The following EFCAB11 variants were observed in gnomAD, a reference collection of about 807,000 sequenced individuals.
EFCAB11 encodes the protein EF-hand calcium binding domain 11.
EFCAB11 carries 14 observed loss-of-function variants against 23.0 expected under a neutral mutation model. The observed-to-expected ratio is 0.61, with a 90% CI of 0.40 to 0.95. The LOEUF is 0.95. Ranked by LOEUF, EFCAB11 falls within the 40% of genes least tolerant of loss-of-function variation. The probability of loss-of-function intolerance (pLI) is 0.00; values close to 1 mark genes in which losing one functional copy is unlikely to be tolerated. For synonymous variants in EFCAB11, 65 were observed against 66.6 expected, an observed-to-expected ratio of 0.98 and a Z score of 0.11; for missense variants, 198 against 195.8, an observed-to-expected ratio of 1.01 and a Z score of -0.07.
chr14:89,902,824 T>C (rs1048733466), intron 5 of EFCAB11, among the ~76,000 whole-genome samples: 4 of 152,220 alleles, frequency 2.6e-5, no homozygotes, highest in Admixed American at 1.3e-4. Flanking sequence ...GGCACTAATT[T>C]AATTATATTC....
intron 5 of EFCAB11, among the ~76,000 whole-genome samples, chr14:89,930,832 A>T (rs1287508276): frequency 6.6e-6 from 1 of 152,144 alleles, no homozygotes; most frequent in Non-Finnish European, 1.5e-5. Flanking sequence ...GCTGAACGCT[A>T]ATGAATACAC....
intron 5 of EFCAB11, among the ~76,000 whole-genome samples, chr14:89,857,585 A>C (rs1298065446): frequency 6.6e-6 from 1 of 152,174 alleles, no homozygotes; most frequent in Non-Finnish European, 1.5e-5. Context: ...TTTTTGGAGA[A>C]GCTCCTGAGT....
intron 5 of EFCAB11, among the ~76,000 whole-genome samples, chr14:89,871,927 A>T (rs1367580002): frequency 1.3e-5 from 2 of 152,208 alleles, no homozygotes; most frequent in Non-Finnish European, 2.9e-5. Flanking sequence ...GAGACTGCTG[A>T]CAGTGGGTTC....
intron 3 of EFCAB11, among the ~76,000 whole-genome samples, chr14:89,934,889 C>T (rs1286024195): frequency 1.3e-5 from 2 of 152,062 alleles, no homozygotes; most frequent in Non-Finnish European, 2.9e-5. Flanking sequence ...AATGGCATGT[C>T]CTAGGAGACC....
chr14:89,829,270 G>A (rs1886808548), intron 5 of EFCAB11, among the ~76,000 whole-genome samples: 1 of 152,212 alleles, frequency 6.6e-6, no homozygotes, highest in Non-Finnish European at 1.5e-5. Context: ...TTTCTCTCAT[G>A]AGGAGGTCCT....
At position 89,898,009 on chromosome 14, in the gene EFCAB11, C is replaced by G. The variant is rs144135011; in HGVS notation, c.410+33532G>C. On this transcript the variant is annotated intron_variant, in intron 5 of 5. Transcript: ENST00000316738. The stretch of plus-strand genomic sequence containing the variant: ...CAACAAAAAGCTAAAAGCACTGAAA[C>G]CTATGTTTCTGTGAAACCTAAGGAA... Among the ~76,000 whole-genome samples, 279 of 152,256 alleles carry G rather than the reference C, an allele frequency of 1.8e-3. 1 individual carries two copies. Among genetic ancestry groups the G allele is most frequent in the Middle Eastern group, 0.01 (3 of 294 alleles).
chr14:89,856,890 C>G (rs1339505586), intron 5 of EFCAB11, among the ~76,000 whole-genome samples: 1 of 152,148 alleles, frequency 6.6e-6, no homozygotes, highest in Admixed American at 6.5e-5. Context: ...CCCTTTTATC[C>G]AATCAACAGA....
intron 5 of EFCAB11, chr14:89,924,238 C>T (rs1398726152): frequency 1.0e-6 from 1 of 991,982 alleles, no homozygotes; most frequent in Admixed American, 6.0e-5. Context: ...TTTGACCTTC[C>T]CTTGTGTAAT....
At chr14:89,877,575 T>C (rs1379497685) in intron 5 of EFCAB11, among the ~76,000 whole-genome samples, 1 of 152,200 alleles carries the variant, frequency 6.6e-6, no homozygotes, top group Non-Finnish European at 1.5e-5. Flanking sequence ...CATCTTGCAA[T>C]TGTTGGTATC....
chr14:89,950,627 G>C (rs1891135795), intron 2 of EFCAB11, among the ~76,000 whole-genome samples: 1 of 152,058 alleles, frequency 6.6e-6, no homozygotes, highest in South Asian at 2.1e-4. Flanking sequence ...TATCATTTTA[G>C]ACTAATCAGC....
At chr14:89,932,402 G>T in intron 4 of EFCAB11, 124 bp downstream of exon 4, 2 of 717,874 alleles carry the variant, frequency 2.8e-6, no homozygotes, top group Non-Finnish European at 4.5e-6. Flanking sequence ...TAAGGTAACA[G>T]CTAATGAATA....
chr14:89,852,477 A>G (rs960603091), intron 5 of EFCAB11, among the ~76,000 whole-genome samples: 2 of 152,178 alleles, frequency 1.3e-5, no homozygotes, highest in South Asian at 4.1e-4. Context: ...GCCCACATCC[A>G]AGGTCTGATC....
At chr14:89,802,901 T>C (rs1219049090) in intron 5 of EFCAB11, among the ~76,000 whole-genome samples, 4 of 152,220 alleles carry the variant, frequency 2.6e-5, no homozygotes, top group Admixed American at 2.6e-4. Flanking sequence ...TTATTTCAAA[T>C]TGTATAAATC....
At chr14:89,873,686 C>T (rs1043570963) in intron 5 of EFCAB11, among the ~76,000 whole-genome samples, 4 of 152,220 alleles carry the variant, frequency 2.6e-5, no homozygotes, top group Non-Finnish European at 4.4e-5. Context: ...AGGCCCCATG[C>T]AACTCCTAAA....
At chr14:89,831,764 T>A (rs939946510) in intron 5 of EFCAB11, among the ~76,000 whole-genome samples, 1 of 152,192 alleles carries the variant, frequency 6.6e-6, no homozygotes, top group African/African-American at 2.4e-5. Flanking sequence ...TTAACAAAGA[T>A]TGAAAGGATT....
At chr14:89,864,118 A>C (rs1888013284) in intron 5 of EFCAB11, among the ~76,000 whole-genome samples, 1 of 152,240 alleles carries the variant, frequency 6.6e-6, no homozygotes, top group Admixed American at 6.5e-5. Context: ...CAGGATCTAC[A>C]TGTTTATGGA....
chr14:89,823,235 T>A (rs143416977), intron 5 of EFCAB11, among the ~76,000 whole-genome samples: 114 of 152,270 alleles, frequency 7.5e-4, no homozygotes, highest in African/African-American at 2.7e-3. Context: ...AATATGGGCA[T>A]CCACCAGGGC....
chr14:89,837,173 CTATT>C (rs1177644278), intron 5 of EFCAB11: 1 of 454,542 alleles, frequency 2.2e-6, no homozygotes, highest in Admixed American at 2.4e-5. Context: ...AACAGATACA[CTATT>C]TATTTAAACC....
At chr14:89,874,017 T>C (rs965992615) in intron 5 of EFCAB11, among the ~76,000 whole-genome samples, 2 of 152,222 alleles carry the variant, frequency 1.3e-5, no homozygotes, top group South Asian at 4.1e-4. Flanking sequence ...CCCTTCTGCA[T>C]TGCCCTAGCA....
Sources: gnomAD v4.1 joint callset for allele counts (sites outside exome capture counted in the v4.1 genomes callset) on GRCh38, gnomAD v4.1.1 for gene constraint, MANE v1.5 for transcripts, NCBI Gene and HGNC (gene_info 2026-07-23, HGNC 2026-07-21) for gene names.